Variants in LMO3 observed in about 807,000 individuals in gnomAD.
LMO3 encodes LIM domain only protein 3.
A neutral mutation model predicts 15.8 loss-of-function variants in LMO3; 2 were observed. The ratio of observed to expected loss-of-function variants is 0.13; its 90% CI spans 0.05 to 0.40. The LOEUF is 0.40. LMO3 is among the 10% of genes least tolerant of loss of function. The pLI is 0.99. For synonymous variants in LMO3, 62 were observed against 63.8 expected (o/e 0.97, Z 0.13); for missense variants, 86 against 182.2 (o/e 0.47, Z 3.04).
chr12:16,605,816 T>G lies in LMO3; in HGVS notation c.-9+250A>C, dbSNP rs1565518785. 2.0e-6 allele frequency: 3 copies of G among 1,535,420 alleles called. No individual in the cohort carries two copies. In the East Asian group the frequency reaches 7.3e-5, roughly 38 times the overall value. ...GCTCTCCCTCCTTCCATCAACATCT[T>G]CCGCCTGCATCTATTTCATGTCTCA... On this transcript the variant is annotated intron_variant, in intron 1 of 3. Transcript: ENST00000537304.
upstream of LMO3, chr12:16,606,415 CAT>C (rs1400314103): frequency 6.6e-6 from 1 of 152,412 alleles, no homozygotes; most frequent in Non-Finnish European, 1.5e-5. Context: ...CCCAGCCAGA[CAT>C]AATACAGCCA....
At chr12:16,588,529 G>A (rs1482682610) in intron 2 of LMO3, among the ~76,000 whole-genome samples, 3 of 152,006 alleles carry the variant, frequency 2.0e-5, no homozygotes, top group African/African-American at 7.2e-5. Flanking sequence ...GATATATAAG[G>A]TATTTTAGAA....
intron 2 of LMO3, among the ~76,000 whole-genome samples, chr12:16,574,588 C>G (rs1410108439): frequency 6.6e-6 from 1 of 152,054 alleles, no homozygotes; most frequent in African/African-American, 2.4e-5. Context: ...AGGAACTTTC[C>G]CCCTATTTGT....
rs893419359 is a variant in LMO3, at chr12:16,555,715, C to T, written c.333-4388G>A. ...CCAAACCGCTTCTCTAATCTCTGAA[C>T]ATACTGAGCCGCTTTTCATTTCCTA... On this transcript the variant is annotated intron_variant, in intron 3 of 3. Coordinates refer to ENST00000537304, the MANE Select transcript of LMO3 (RefSeq NM_018640.5). This position sits in a 1 kb window ranked among gnomAD's most constrained non-coding sequence, Gnocchi z 5.5. Among the ~76,000 whole-genome samples, 6 of 152,168 alleles carry T rather than the reference C, an allele frequency of 3.9e-5. No individual in the cohort carries two copies. Among genetic ancestry groups the T allele is most frequent in the Non-Finnish European group, 7.3e-5 (5 of 68,028 alleles).
intron 1 of LMO3, 198 bp downstream of exon 1, chr12:16,605,868 A>C: frequency 1.3e-6 from 2 of 1,518,126 alleles, no homozygotes; most frequent in Admixed American, 3.9e-5. Flanking sequence ...GCCTCACATG[A>C]TTTAAACAAA....
In LMO3 at chr12:16,584,476, A is replaced by G. The variant is rs890880628; in HGVS notation, c.206+16179T>C. Among the ~76,000 whole-genome samples, 1 of 152,172 alleles carries G rather than the reference A, an allele frequency of 6.6e-6. No individual in the cohort carries two copies. The highest frequency in any genetic ancestry group is 1.5e-5 in the Non-Finnish European group (1 of 68,032). ...ATTGACAAGGACATGAGGTTTCTGGAGGACCCAGTGGAAAAGTGTTGAGTG... is the reference window on the plus strand; with the variant it reads ...ATTGACAAGGACATGAGGTTTCTGGGGGACCCAGTGGAAAAGTGTTGAGTG... On this transcript the variant is annotated intron_variant, in intron 2 of 3. Coordinates refer to ENST00000537304, the MANE Select transcript of LMO3 (RefSeq NM_018640.5). The surrounding 1 kb of genome is among the most constrained non-coding windows in gnomAD (Gnocchi z 5.2).
At position 16,604,851 on chromosome 12, in the gene LMO3, G is replaced by A; in HGVS notation, c.-9+1215C>T. On this transcript the variant is annotated intron_variant, in intron 1 of 3. Transcript: ENST00000537304. This position sits in a 1 kb window ranked among gnomAD's most constrained non-coding sequence, Gnocchi z 5.3. ...GCGCCAGCAAAGTGCATCTATGATAGACTGTAACCTTACCAAAACTTTTCT... is the reference window on the plus strand; with the variant it reads ...GCGCCAGCAAAGTGCATCTATGATAAACTGTAACCTTACCAAAACTTTTCT... The A allele has an allele frequency of 1.3e-6, 2 of 1,598,390 alleles. No individual in the cohort carries two copies. Among genetic ancestry groups the A allele is most frequent in the Non-Finnish European group, 1.7e-6 (2 of 1,179,732 alleles).
At chr12:16,605,768 T>G in intron 1 of LMO3, 1 of 1,535,512 alleles carries the variant, frequency 6.5e-7, no homozygotes, top group Non-Finnish European at 8.7e-7. Context: ...CGAGTCGTAC[T>G]TGAGACGTTC....
rs928370212 is a variant in LMO3, at chr12:16,604,438, C to T, written c.-9+1628G>A. Among the ~76,000 whole-genome samples, 1 of 151,998 alleles carries T rather than the reference C, an allele frequency of 6.6e-6. No homozygotes were observed. Among genetic ancestry groups the T allele is most frequent in the Admixed American group, 6.6e-5 (1 of 15,266 alleles). On this transcript the variant is annotated intron_variant, in intron 1 of 3. Transcript: ENST00000537304. This position sits in a 1 kb window ranked among gnomAD's most constrained non-coding sequence, Gnocchi z 5.3. ...AATGCAGCTGCAAGGCTCAGAGATA[C>T]TGACATTTTTCCACTCTTATCAGTT...
chr12:16,574,808 C>T (rs1942940235), intron 2 of LMO3, among the ~76,000 whole-genome samples: 1 of 152,138 alleles, frequency 6.6e-6, no homozygotes, highest in African/African-American at 2.4e-5. Flanking sequence ...TGGTAGGTGG[C>T]ATCCATTCTG....
In LMO3 at chr12:16,585,230, C is replaced by G. The variant is rs1377103677; in HGVS notation, c.206+15425G>C. Reference sequence around the variant, plus strand: ...TGAGTTTGTAATTCCCGTCTTAGCCCTTGGCAAGATAAATAATTCAGCCTA... The same window carrying G: ...TGAGTTTGTAATTCCCGTCTTAGCCGTTGGCAAGATAAATAATTCAGCCTA... On this transcript the variant is annotated intron_variant, in intron 2 of 3. Coordinates refer to ENST00000537304, the MANE Select transcript of LMO3 (RefSeq NM_018640.5). The surrounding 1 kb of genome is among the most constrained non-coding windows in gnomAD (Gnocchi z 4.7). Among the ~76,000 whole-genome samples, 1 of 152,076 alleles carries G rather than the reference C, an allele frequency of 6.6e-6. No individual in the cohort carries two copies. Among genetic ancestry groups the G allele is most frequent in the Non-Finnish European group, 1.5e-5 (1 of 68,030 alleles).
chr12:16,552,442 A>T (rs1942025199), intron 3 of LMO3, among the ~76,000 whole-genome samples: 1 of 152,030 alleles, frequency 6.6e-6, no homozygotes, highest in Admixed American at 6.5e-5. Context: ...ATGTTTTGTG[A>T]AGTTGAAGGT....
At chr12:16,573,056 A>G (rs1343537123) in intron 2 of LMO3, among the ~76,000 whole-genome samples, 1 of 152,066 alleles carries the variant, frequency 6.6e-6, no homozygotes, top group Non-Finnish European at 1.5e-5. Context: ...ATCCAGATAC[A>G]TCTTATAAAA....
Position 16,555,393 on chromosome 12 carries a change from G to A in LMO3, c.333-4066C>T, listed in dbSNP as rs1942156823. Among the ~76,000 whole-genome samples, 1 of 152,102 alleles carries A rather than the reference G, an allele frequency of 6.6e-6. No individual in the cohort carries two copies. The highest frequency in any genetic ancestry group is 2.4e-5 in the African/African-American group (1 of 41,400). On this transcript the variant is annotated intron_variant, in intron 3 of 3. Coordinates refer to ENST00000537304, the MANE Select transcript of LMO3 (RefSeq NM_018640.5). This position sits in a 1 kb window ranked among gnomAD's most constrained non-coding sequence, Gnocchi z 5.5. ...GTGTTTCAAAATTTCTCATGAATGT[G>A]TAACTGGTTTGCCATTATAGTCAGC... is the stretch of plus-strand genomic sequence containing the variant.
intron 2 of LMO3, among the ~76,000 whole-genome samples, chr12:16,569,965 C>A (rs1367036278): frequency 1.3e-5 from 2 of 152,076 alleles, no homozygotes; most frequent in East Asian, 1.9e-4. Flanking sequence ...GAAGGAAAGG[C>A]CAATCAGCCA....
intron 2 of LMO3, among the ~76,000 whole-genome samples, chr12:16,570,771 A>G (rs1490406449): frequency 1.9e-4 from 29 of 152,212 alleles, no homozygotes; most frequent in Admixed American, 1.9e-3. Flanking sequence ...TAGTGACAAC[A>G]GTCACCTGAT....
intron 2 of LMO3, among the ~76,000 whole-genome samples, chr12:16,566,957 T>A (rs1942640090): frequency 6.6e-6 from 1 of 152,098 alleles, no homozygotes; most frequent in African/African-American, 2.4e-5. Context: ...ATATATATGT[T>A]AAAAACTACA....
chr12:16,556,356 C>T (rs1192816048), intron 3 of LMO3, among the ~76,000 whole-genome samples: 1 of 152,044 alleles, frequency 6.6e-6, no homozygotes, highest in Non-Finnish European at 1.5e-5. Flanking sequence ...GAGAAACTAG[C>T]CGAATTTTAA....
upstream of LMO3, among the ~76,000 whole-genome samples, chr12:16,609,483 A>G (rs1016587021): frequency 1.2e-4 from 18 of 152,174 alleles, no homozygotes; most frequent in African/African-American, 4.3e-4. Context: ...GGATTGCTAT[A>G]AAGAGCCAGA....
Sources: allele counts gnomAD v4.1 joint callset (sites outside exome capture counted in the v4.1 genomes callset), GRCh38; gene constraint gnomAD v4.1.1; non-coding constraint Gnocchi (gnomAD v3.1); transcripts MANE v1.5; gene names NCBI Gene and HGNC (gene_info 2026-07-23, HGNC 2026-07-21).